PARD3B: variants seen among roughly 807,000 people sequenced by gnomAD.
The protein encoded by PARD3B is par-3 family cell polarity regulator beta.
A neutral mutation model predicts 130.2 loss-of-function variants in PARD3B; 103 were observed. That is an observed-to-expected ratio of 0.79 (90% CI 0.67 to 0.93). The LOEUF (loss-of-function observed/expected upper bound fraction) is 0.93, where lower values mean the gene tolerates loss of function less well. Ranked by LOEUF, PARD3B falls within the 40% of genes least tolerant of loss-of-function variation. The pLI is 0.00. For missense variants in PARD3B, 1,609 were observed against 1,499.2 expected, an observed-to-expected ratio of 1.07 and a Z score of -1.21; for synonymous variants, 583 against 553.2, an observed-to-expected ratio of 1.05 and a Z score of -0.76.
intron 3 of PARD3B, among the ~76,000 whole-genome samples, chr2:204,980,471 T>A (rs960120557): frequency 6.6e-6 from 1 of 152,316 alleles, no homozygotes; most frequent in East Asian, 1.9e-4. Flanking sequence ...ATGAACTTGA[T>A]GACTTACTTC....
intron 1 of PARD3B, among the ~76,000 whole-genome samples, chr2:204,609,558 T>C (rs563363666): frequency 6.6e-6 from 1 of 152,312 alleles, no homozygotes; most frequent in East Asian, 1.9e-4. Flanking sequence ...GAGTGGGGGT[T>C]ACAGGTCATG....
At chr2:205,307,081 A>G (rs1460873174) in intron 18 of PARD3B, among the ~76,000 whole-genome samples, 1 of 152,196 alleles carries the variant, frequency 6.6e-6, no homozygotes, top group Non-Finnish European at 1.5e-5. Flanking sequence ...GAAGATTTAA[A>G]TCCTGCCTCC....
In PARD3B at chr2:205,563,205, T is replaced by TAA; in HGVS notation, c.3260+9802_3260+9803insAA. ...ATTGTTTCAAAGATGTCATGTTTAT[T>TAA]CCTAAACTAGTTGATTGTATTTAAA... On this transcript the variant is annotated intron_variant, in intron 22 of 22. Transcript: ENST00000406610. This position sits in a 1 kb window ranked among gnomAD's most constrained non-coding sequence, Gnocchi z 4.2. Among the ~76,000 whole-genome samples, 1 of 152,210 alleles carries TAA rather than the reference T, an allele frequency of 6.6e-6. No individual in the cohort carries two copies. The highest frequency in any genetic ancestry group is 1.5e-5 in the Non-Finnish European group (1 of 68,042).
At chr2:204,583,689 C>T (rs2125084836) in intron 1 of PARD3B, among the ~76,000 whole-genome samples, 1 of 148,342 alleles carries the variant, frequency 6.7e-6, no homozygotes, top group Middle Eastern at 3.6e-3. Flanking sequence ...TGTGAGGTGT[C>T]TGAGGACCAC....
intron 2 of PARD3B, among the ~76,000 whole-genome samples, chr2:204,896,559 A>G (rs975935477): frequency 1.3e-5 from 2 of 152,196 alleles, no homozygotes; most frequent in Non-Finnish European, 2.9e-5. Flanking sequence ...GAGAGGACAA[A>G]TTGAAAAGGT....
chr2:205,120,852 G>A (rs1048490579), intron 7 of PARD3B, among the ~76,000 whole-genome samples: 1 of 152,186 alleles, frequency 6.6e-6, no homozygotes, highest in Non-Finnish European at 1.5e-5. Context: ...TATCTTCTGG[G>A]CAAGAAAGAG....
intron 2 of PARD3B, among the ~76,000 whole-genome samples, chr2:204,911,830 A>G (rs536046380): frequency 6.6e-6 from 1 of 152,356 alleles, no homozygotes; most frequent in Non-Finnish European, 1.5e-5. Context: ...TTCCCAGTGT[A>G]TGCATATATG....
At chr2:205,557,323 C>T (rs924708574) in intron 22 of PARD3B, among the ~76,000 whole-genome samples, 4 of 152,200 alleles carry the variant, frequency 2.6e-5, no homozygotes, top group Non-Finnish European at 5.9e-5. Context: ...CCACAGTGGC[C>T]ATTCCAACCC....
Position 205,279,559 on chromosome 2 carries a change from CAG to C in PARD3B, c.2186-20968_2186-20967del. 1.3e-5 allele frequency among the ~76,000 whole-genome samples: 2 copies of C among 152,232 alleles called. 1 individual carries two copies. The highest frequency in any genetic ancestry group is 6.8e-3 in the Middle Eastern group (2 of 294). On this transcript the variant is annotated intron_variant, in intron 16 of 22. Transcript: ENST00000406610. ...TAAATGGATGTCATACCATTTAGAA[CAG>C]AGTTTCTCCTTCAATCACTGCTTTT...
rs200099022 is a variant in PARD3B at position 205,537,056 on chromosome 2, AT to A, written c.3181-16266del. Reference sequence around the variant, plus strand: ...TTTTCACTTTTCTTAATTTCATTACATTGATGAGTAGAGTTCCTTATATATT... The same window carrying A: ...TTTTCACTTTTCTTAATTTCATTACATGATGAGTAGAGTTCCTTATATATT... On this transcript the variant is annotated intron_variant, in intron 21 of 22. Transcript: ENST00000406610. Among the ~76,000 whole-genome samples, 1,121 of 152,310 alleles carry A rather than the reference AT, an allele frequency of 7.4e-3. 38 individuals carry two copies. Among genetic ancestry groups the A allele is most frequent in the East Asian group, 0.045 (231 of 5,184 alleles).
intron 15 of PARD3B, among the ~76,000 whole-genome samples, chr2:205,224,443 C>T (rs1234938720): frequency 6.7e-6 from 1 of 148,974 alleles, no homozygotes; most frequent in Non-Finnish European, 1.5e-5. Flanking sequence ...TTATTGTTGA[C>T]TGTAGTCACC....
In PARD3B at chr2:205,222,423, A is replaced by C. The variant is rs115911951; in HGVS notation, c.2141-23355A>C. On this transcript the variant is annotated intron_variant, in intron 15 of 22. Transcript: ENST00000406610. Reference sequence around the variant, plus strand: ...TAGCCTAAGTTCCCTCCTCTGTGAAATGAAGATAATAAAACCCAACTCAAA... The same window carrying C: ...TAGCCTAAGTTCCCTCCTCTGTGAACTGAAGATAATAAAACCCAACTCAAA... 2.9e-3 allele frequency among the ~76,000 whole-genome samples: 443 copies of C among 152,322 alleles called. 3 individuals carry two copies. Among genetic ancestry groups the C allele is most frequent in the African/African-American group, 0.01 (421 of 41,576 alleles).
chr2:204,553,843 A>G (rs926710380), intron 1 of PARD3B, among the ~76,000 whole-genome samples: 7 of 151,328 alleles, frequency 4.6e-5, no homozygotes, highest in Admixed American at 6.6e-5. Context: ...GTTCTCACTC[A>G]TAAGTGGGAG....
intron 2 of PARD3B, among the ~76,000 whole-genome samples, chr2:204,891,393 T>C (rs2046439851): frequency 6.6e-6 from 1 of 152,140 alleles, no homozygotes; most frequent in South Asian, 2.1e-4. Flanking sequence ...ACATTATAGA[T>C]GTTTTTGTAT....
intron 2 of PARD3B, among the ~76,000 whole-genome samples, chr2:204,691,510 A>G (rs2037351020): frequency 6.6e-6 from 1 of 152,052 alleles, no homozygotes; most frequent in Non-Finnish European, 1.5e-5. Flanking sequence ...TTTATCTCCT[A>G]TTAGTTATCA....
At chr2:205,191,866 G>T (rs1041891400) in intron 14 of PARD3B, among the ~76,000 whole-genome samples, 1 of 152,184 alleles carries the variant, frequency 6.6e-6, no homozygotes, top group Admixed American at 6.5e-5. Context: ...CTGGGGGAGG[G>T]TGGAGGAGAT....
At position 205,149,514 on chromosome 2, in the gene PARD3B, A is replaced by G. The variant is rs146359449; in HGVS notation, c.1435-9208A>G. Among the ~76,000 whole-genome samples the G allele has an allele frequency of 2.4e-3, 369 of 152,326 alleles. 1 individual carries two copies. The highest frequency in any genetic ancestry group is 4.1e-3 in the Non-Finnish European group (280 of 68,028). On this transcript the variant is annotated intron_variant, in intron 10 of 22. Transcript: ENST00000406610. ...GGAAAATTAGCTGCCATGTAACTAG[A>G]AATATAACAATTACAGGATTCTCCA...
intron 2 of PARD3B, among the ~76,000 whole-genome samples, chr2:204,745,073 G>T (rs2040158976): frequency 6.6e-6 from 1 of 152,178 alleles, no homozygotes; most frequent in Non-Finnish European, 1.5e-5. Flanking sequence ...GAAGAGGAAT[G>T]CTTTAAAGTT....
At chr2:205,317,640 C>T (rs1243082569) in intron 18 of PARD3B, among the ~76,000 whole-genome samples, 1 of 152,138 alleles carries the variant, frequency 6.6e-6, no homozygotes. Flanking sequence ...TCCTTCCTCT[C>T]TCTTCTTCCT....
Sources: allele counts gnomAD v4.1 joint callset (sites outside exome capture counted in the v4.1 genomes callset), GRCh38; gene constraint gnomAD v4.1.1; non-coding constraint Gnocchi (gnomAD v3.1); transcripts MANE v1.5; gene names NCBI Gene and HGNC (gene_info 2026-07-23, HGNC 2026-07-21).